The following RECQL4 variants were observed in gnomAD, a reference collection of about 807,000 sequenced individuals.
RECQL4 encodes RecQ like helicase 4, also known as ATP-dependent DNA helicase Q4.
In RECQL4, 158 loss-of-function variants were observed where a neutral mutation model predicts 128.6. The observed-to-expected ratio is 1.23, with a 90% CI of 1.08 to 1.40. The LOEUF (loss-of-function observed/expected upper bound fraction) is 1.40. RECQL4 is among the 40% of genes most tolerant of loss of function. The pLI, the probability that RECQL4 is intolerant of heterozygous loss-of-function variation, is 0.00. For missense variants in RECQL4, 2,293 were observed against 1,649.8 expected (o/e 1.39, Z -6.75); for synonymous variants, 996 against 678.9 (o/e 1.47, Z -7.26).
chr8:144,515,441 T>C lies in RECQL4; in HGVS notation c.1275A>G (p.Thr425=), dbSNP rs1586817653. Reference sequence around the variant, plus strand: ...CCAGTGGCTCAGGCCCAACAGCATCTGTGTCTTCCTCACTTGCTGGGGCAG... The same window carrying C: ...CCAGTGGCTCAGGCCCAACAGCATCCGTGTCTTCCTCACTTGCTGGGGCAG... ...QCPRPASEED[T]DAVGPEPLVP... is the part of the protein sequence containing the mutation. The change falls in exon 7 of 21, where the codon ACA becomes ACG. Residue 425 remains threonine (T), a synonymous_variant. Coordinates refer to ENST00000617875, the MANE Select transcript of RECQL4 (RefSeq NM_004260.4). 1 of 1,612,642 alleles carries C rather than the reference T, an allele frequency of 6.2e-7. No homozygotes were observed. Among genetic ancestry groups the C allele is most frequent in the African/African-American group, 1.3e-5 (1 of 74,932 alleles).
chr8:144,512,377 T>G lies in RECQL4; in HGVS notation c.3055+15A>C, dbSNP rs1325875335. 1.2e-6 allele frequency: 2 copies of G among 1,607,762 alleles called. No homozygotes were observed. The highest frequency in any genetic ancestry group is 1.3e-5 in the African/African-American group (1 of 74,890). ...AGGCAGCGTCCAGGGCGGTGTGGGGTGGGGAGAGGCGCACCTGTCCTGGGC... is the reference window on the plus strand; with the variant it reads ...AGGCAGCGTCCAGGGCGGTGTGGGGGGGGGAGAGGCGCACCTGTCCTGGGC... On this transcript the variant is annotated intron_variant, in intron 17 of 20. Transcript: ENST00000617875.
intron 3 of RECQL4, 92 bp from the exon 4 acceptor site, chr8:144,517,282 G>T (rs951249041): frequency 9.3e-6 from 14 of 1,507,192 alleles, no homozygotes; most frequent in Non-Finnish European, 1.2e-5. Flanking sequence ...AGCGAGGCCC[G>T]GCCCTTCTTC....
Position 144,514,542 on chromosome 8 carries a change from G to A in RECQL4, c.1621-17C>T, listed in dbSNP as rs769603253. On this transcript the variant is annotated splice_polypyrimidine_tract_variant and intron_variant, in intron 9 of 20. Transcript: ENST00000617875. ...GCCAGACACCTGCAAATGCAGGAGC[G>A]ACAGCCGTCATACGCCAGCCCAGCC... 20 of 1,607,126 alleles carry A rather than the reference G, an allele frequency of 1.2e-5. No homozygotes were observed. Among genetic ancestry groups the A allele is most frequent in the South Asian group, 4.4e-5 (4 of 90,144 alleles).
In RECQL4 at chr8:144,516,083, C is replaced by T. The variant is rs770798229; in HGVS notation, c.1036G>A (p.Ala346Thr). The change falls in exon 5 of 21, where the codon GCC (alanine) becomes ACC (threonine). Residue 346 changes from alanine to threonine, a missense_variant. Coordinates refer to ENST00000617875, the MANE Select transcript of RECQL4 (RefSeq NM_004260.4). ...TAPLHIFPRL[A>T]RHDRGNYVRL... ...ACGTAATTGCCCCTGTCATGGCGGG[C>T]CAGCCGAGGGAAGATGTGCAGGGGG... 2.5e-6 allele frequency: 4 copies of T among 1,612,416 alleles called. No individual in the cohort carries two copies. The African/African-American group carries it at 5.3e-5, about 22-fold the overall frequency.
At position 144,514,939 on chromosome 8, in the gene RECQL4, G is replaced by A. The variant is rs778916021; in HGVS notation, c.1617C>T (p.Asp539=). ...VVSPLLSLMD[D]QVSGLPPCLK... is the part of the protein sequence containing the mutation. ...GCCCAGGGCCCTGTGTGCACACCTG[G>A]TCATCCATGAGTGACAGCAGGGGAG... Residue 539 remains aspartate, a synonymous_variant, in exon 9 of 21, where the codon GAC becomes GAT. Coordinates refer to ENST00000617875, the MANE Select transcript of RECQL4 (RefSeq NM_004260.4). The A allele has an allele frequency of 9.3e-5, 150 of 1,611,158 alleles. No individual in the cohort carries two copies. Among genetic ancestry groups the A allele is most frequent in the Non-Finnish European group, 1.2e-4 (147 of 1,179,490 alleles).
intron 6 of RECQL4, 115 bp from the exon 7 acceptor site, chr8:144,515,572 G>C (rs1198107751): frequency 9.1e-6 from 14 of 1,532,080 alleles, no homozygotes; most frequent in South Asian, 1.2e-5. Context: ...CTTCCTCTGG[G>C]CTACTTTTTC....
At position 144,516,631 on chromosome 8, in the gene RECQL4, G is replaced by C; in HGVS notation, c.488C>G (p.Pro163Arg). Residue 163 changes from proline (P) to arginine (R), a missense_variant, in exon 5 of 21, where the codon CCT (proline) becomes CGT (arginine). Transcript: ENST00000617875. ...EKVSDEPPQL[P>R]EPQPRPGRLQ... is the part of the protein sequence containing the mutation. Reference sequence around the variant, plus strand: ...CCGGCCTGGCCTTGGCTGGGGCTCAGGGAGCTGTGGAGGCTCATCACTGAC... The same window carrying C: ...CCGGCCTGGCCTTGGCTGGGGCTCACGGAGCTGTGGAGGCTCATCACTGAC... 2 of 1,610,124 alleles carry C rather than the reference G, an allele frequency of 1.2e-6. No individual in the cohort carries two copies. The highest frequency in any genetic ancestry group is 1.7e-6 in the Non-Finnish European group (2 of 1,178,572).
At chr8:144,512,820 C>A in intron 15 of RECQL4, 27 bp downstream of exon 15, 2 of 1,608,932 alleles carry the variant, frequency 1.2e-6, no homozygotes, top group Admixed American at 1.7e-5. Context: ...CCCTCCACAC[C>A]CCTGTGGCTT....
chr8:144,511,863 C>T, intron 19 of RECQL4, 48 bp downstream of exon 19: 1 of 1,610,344 alleles, frequency 6.2e-7, no homozygotes, highest in Non-Finnish European at 8.5e-7. Flanking sequence ...CCCATGCAGC[C>T]CAGGGAACCT....
intron 7 of RECQL4, 36 bp downstream of exon 7, chr8:144,515,290 T>C (rs1025357573): frequency 1.9e-6 from 3 of 1,610,694 alleles, no homozygotes; most frequent in Non-Finnish European, 2.5e-6. Context: ...CCCCAACCCC[T>C]CAGTGAAGGC....
At chr8:144,514,389 G>A (rs374324110) in intron 10 of RECQL4, 27 bp from the exon 11 acceptor site, 17 of 1,599,654 alleles carry the variant, frequency 1.1e-5, no homozygotes, top group Non-Finnish European at 1.4e-5. Context: ...CAGAGGCACA[G>A]CCCAGGTGCC....
rs1827568539 is a variant in RECQL4 at position 144,513,125 on chromosome 8, CGCAGGTCTT to C, written c.2468_2476del (p.Glu823_Arg826delinsGly). 1 of 1,561,910 alleles carries C rather than the reference CGCAGGTCTT, an allele frequency of 6.4e-7. No homozygotes were observed. The highest frequency in any genetic ancestry group is 1.8e-5 in the Admixed American group (1 of 56,442). On this transcript the variant is annotated inframe_deletion, in exon 15 of 21. Coordinates refer to ENST00000617875, the MANE Select transcript of RECQL4 (RefSeq NM_004260.4). ...GGCGTGCACATGTCTGCGCAGCTCT[CGCAGGTCTT>C]CGCCCTGCAGGGCAACTTTCATGAG...
In RECQL4 at chr8:144,516,742, C is replaced by G; in HGVS notation, c.377G>C (p.Arg126Thr). 6.5e-7 allele frequency: 1 copy of G among 1,529,472 alleles called. No individual in the cohort carries two copies. 94.7% of individuals were successfully genotyped at this position (1,529,472 alleles called of 1,614,324 possible). A position where few individuals can be genotyped will look rare whatever the true frequency, so the allele number is the denominator to read the frequency against. The stretch of plus-strand genomic sequence containing the variant: ...TGAGGCTCTTCCTAGAGGCCACGGT[C>G]TGCGGCCCAGGGCTGGTCCGGCCTG... ...TLQAGPALGR[R>T]PWPLGRASSK... The change falls in exon 5 of 21, where the codon AGA (arginine) becomes ACA (threonine). Residue 126 changes from arginine (R) to threonine (T), a missense_variant. Transcript: ENST00000617875.
rs377485079 is a variant in RECQL4, at chr8:144,516,672, G to T, written c.447C>A (p.Pro149=). The T allele has an allele frequency of 6.3e-7, 1 of 1,596,640 alleles. No individual in the cohort carries two copies. Among genetic ancestry groups the T allele is most frequent in the Non-Finnish European group, 8.5e-7 (1 of 1,171,370 alleles). ...TPKPPGTGPV[P]SFAEKVSDEP... is the part of the protein sequence containing the mutation. ...CATCACTGACTTTTTCTGCAAAGGA[G>T]GGGACAGGCCCTGTACCTGGGGGCT... is the stretch of plus-strand genomic sequence containing the variant. The change falls in exon 5 of 21, where the codon CCC becomes CCA. Residue 149 remains proline, a synonymous_variant. Transcript: ENST00000617875.
Position 144,515,084 on chromosome 8 carries a change from G to T in RECQL4, c.1484-12C>A. ...CAGCGTGGAGATGCCTGGATGGGGC[G>T]GGAGTCAGCAGCAGGGTTCTGCAGC... On this transcript the variant is annotated splice_polypyrimidine_tract_variant and intron_variant, in intron 8 of 20. Transcript: ENST00000617875. The T allele has an allele frequency of 6.3e-7, 1 of 1,599,846 alleles. No homozygotes were observed. Among genetic ancestry groups the T allele is most frequent in the East Asian group, 2.3e-5 (1 of 44,144 alleles).
rs539631209 is a variant in RECQL4 at position 144,512,170 on chromosome 8, C to A, written c.3210G>T (p.Leu1070=). The change falls in exon 18 of 21, where the codon CTG becomes CTT. Residue 1070 remains leucine (L), a synonymous_variant. Coordinates refer to ENST00000617875, the MANE Select transcript of RECQL4 (RefSeq NM_004260.4). ...TGTGAAAGGCCTGGAAGGTTCTGCG[C>A]AGACGGGCCAGGGCCTGGCGCTCCC... ...QARERQALAR[L]RRTFQAFHSV... 8.1e-6 allele frequency: 13 copies of A among 1,611,172 alleles called. No homozygotes were observed. The African/African-American group carries it at 1.3e-4, about 17-fold the overall frequency.
At position 144,513,037 on chromosome 8, in the gene RECQL4, G is replaced by C. The variant is rs768163180; in HGVS notation, c.2565C>G (p.Cys855Trp). Residue 855 changes from cysteine to tryptophan, a missense_variant, in exon 15 of 21, where the codon TGC becomes TGG. Cys to Trp is a radical substitution (Grantham distance 215). Transcript: ENST00000617875. ...LVQRVFPACT[C>W]TCTRPPSEQE... is the part of the protein sequence containing the mutation. ...GCTCCGAGGGCGGCCTGGTGCAGGT[G>C]CAGGTGCAGGCTGGGAACACGCGCT... 7 of 1,575,688 alleles carry C rather than the reference G, an allele frequency of 4.4e-6. No homozygotes were observed. In the East Asian group the frequency reaches 9.4e-5, roughly 21 times the overall value.
In RECQL4 at chr8:144,511,625, C is replaced by T. The variant is rs1413752496; in HGVS notation, c.3502+56G>A. 1.9e-6 allele frequency: 3 copies of T among 1,607,148 alleles called. No individual in the cohort carries two copies. In the Admixed American group the frequency reaches 5.0e-5, roughly 27 times the overall value. On this transcript the variant is annotated intron_variant, in intron 20 of 20. Coordinates refer to ENST00000617875, the MANE Select transcript of RECQL4 (RefSeq NM_004260.4). Reference sequence around the variant, plus strand: ...GCAGCGGGTGGAGCCTCCCAGGCCTCACCTGCCCCAGCCCCCAGCCCCAGC... The same window carrying T: ...GCAGCGGGTGGAGCCTCCCAGGCCTTACCTGCCCCAGCCCCCAGCCCCAGC...
Position 144,512,654 on chromosome 8 carries a change from G to A in RECQL4, c.2873C>T (p.Ala958Val), listed in dbSNP as rs758952928. The change falls in exon 16 of 21, where the codon GCC becomes GTC. Residue 958 changes from alanine (A) to valine (V), a missense_variant. Ala to Val is a moderately conservative substitution (Grantham distance 64). Coordinates refer to ENST00000617875, the MANE Select transcript of RECQL4 (RefSeq NM_004260.4). ...AGGGCGTGCTTACCTGTGGGCCAGGGCCTGGAGCTGGGCAGGGCCCCCAGG... is the reference window on the plus strand; with the variant it reads ...AGGGCGTGCTTACCTGTGGGCCAGGACCTGGAGCTGGGCAGGGCCCCCAGG... The part of the protein sequence containing the change: ...NCPGGPAQLQ[A>V]LAHRCPPLAV... 4.3e-6 allele frequency: 7 copies of A among 1,612,556 alleles called. No individual in the cohort carries two copies. The South Asian group carries it at 7.7e-5, about 18-fold the overall frequency.
Sources: allele counts gnomAD v4.1 joint callset, GRCh38; gene constraint gnomAD v4.1.1; transcripts MANE v1.5; gene names NCBI Gene and HGNC (gene_info 2026-07-23, HGNC 2026-07-21).